Variants in ARHGEF17 observed in about 807,000 individuals in gnomAD.
The protein encoded by ARHGEF17 is Rho guanine nucleotide exchange factor 17.
In ARHGEF17, 80 loss-of-function variants were observed where a neutral mutation model predicts 174.0. The ratio of observed to expected loss-of-function variants is 0.46; its 90% CI spans 0.38 to 0.55. The LOEUF (loss-of-function observed/expected upper bound fraction) is 0.55. ARHGEF17 is among the 20% of genes least tolerant of loss of function. ARHGEF17 has a pLI of 0.00. For missense variants in ARHGEF17, 2,886 were observed against 2,839.7 expected (o/e 1.02, Z -0.37); for synonymous variants, 1,311 against 1,189.1 (o/e 1.10, Z -2.11).
chr11:73,311,401 C>T lies in ARHGEF17; in HGVS notation c.2763C>T (p.Gly921=). ...TGTCCCCGAGGCTAATCCGCCGAGG[C>T]TCCAAGAAGCGCCCAGCTCGGAGTA... ...DILSPRLIRR[G]SKKRPARSSH... is the part of the protein sequence containing the mutation. Residue 921 remains glycine (G), a synonymous_variant, in exon 1 of 21, where the codon GGC becomes GGT. Coordinates refer to ENST00000263674, the MANE Select transcript of ARHGEF17 (RefSeq NM_014786.4). 2 of 1,613,348 alleles carry T rather than the reference C, an allele frequency of 1.2e-6. No individual in the cohort carries two copies. Among genetic ancestry groups the T allele is most frequent in the South Asian group, 1.1e-5 (1 of 91,090 alleles).
At chr11:73,361,565 G>A (rs796745952) in intron 12 of ARHGEF17, among the ~76,000 whole-genome samples, 1 of 152,298 alleles carries the variant, frequency 6.6e-6, no homozygotes, top group African/African-American at 2.4e-5. Flanking sequence ...CATTTGATGT[G>A]TAGAGGGTCA....
In ARHGEF17 at chr11:73,360,245, G is replaced by T. The variant is rs1457275876; in HGVS notation, c.4207-75G>T. 4.6e-6 allele frequency: 7 copies of T among 1,522,502 alleles called. No individual in the cohort carries two copies. The African/African-American group carries it at 9.6e-5, about 21-fold the overall frequency. The allele number at this position is 1,522,502 out of a possible 1,614,324, so 94.3% of individuals were successfully genotyped here. ...ACTTGCTGTCTAAGGAGAGAGGCAGGTCCCCACACATTAAGGGCAGGTGCA... is the reference window on the plus strand; with the variant it reads ...ACTTGCTGTCTAAGGAGAGAGGCAGTTCCCCACACATTAAGGGCAGGTGCA... On this transcript the variant is annotated intron_variant, in intron 10 of 20. Coordinates refer to ENST00000263674, the MANE Select transcript of ARHGEF17 (RefSeq NM_014786.4).
chr11:73,348,137 G>A (rs984140963), intron 2 of ARHGEF17, among the ~76,000 whole-genome samples: 46 of 152,176 alleles, frequency 3.0e-4, no homozygotes, highest in Admixed American at 3.9e-4. Flanking sequence ...ATTTGCCCAA[G>A]CTAGCTGGGC....
intron 12 of ARHGEF17, 41 bp downstream of exon 12, chr11:73,361,202 G>A (rs1484373104): frequency 1.3e-6 from 2 of 1,584,708 alleles, no homozygotes; most frequent in East Asian, 4.5e-5. Context: ...TGTTTTCAAA[G>A]CCAGCAGGTG....
intron 20 of ARHGEF17, among the ~76,000 whole-genome samples, 172 bp downstream of exon 20, chr11:73,366,119 T>TTG (rs111678539): frequency 0.086 from 12,860 of 150,146 alleles, 583 homozygotes; most frequent in Non-Finnish European, 0.11. Flanking sequence ...TCTAGGATAG[T>TTG]TGTGTGTGTG....
intron 18 of ARHGEF17, 134 bp downstream of exon 18, chr11:73,364,734 C>A: frequency 8.5e-7 from 1 of 1,174,676 alleles, no homozygotes; most frequent in Non-Finnish European, 1.2e-6. Context: ...CACAGAGTGA[C>A]GCTGGCCAGT....
rs1394504351 is a variant in ARHGEF17 at position 73,308,858 on chromosome 11, C to T, written c.220C>T (p.Pro74Ser). Residue 74 changes from proline to serine, a missense_variant, in exon 1 of 21, where the codon CCG (proline) becomes TCG (serine). By Grantham distance (74) the Pro-to-Ser change is moderately conservative. This residue lies in a region of ARHGEF17 where 1,728 missense variants were observed against 1,461.2 expected (regional missense o/e 1.18). Transcript: ENST00000263674. ...CCTGGCCGCCCCCGCGCAGCCGCGCCCGCTCCGCAGCCTCTCGCCGTCGGT... is the reference window on the plus strand; with the variant it reads ...CCTGGCCGCCCCCGCGCAGCCGCGCTCGCTCCGCAGCCTCTCGCCGTCGGT... The part of the protein sequence containing the change: ...GPLAAPAQPR[P>S]LRSLSPSVRQ... The T allele has an allele frequency of 2.2e-6, 3 of 1,346,104 alleles. No individual in the cohort carries two copies. The highest frequency in any genetic ancestry group is 9.5e-7 in the Non-Finnish European group (1 of 1,055,926). The allele number at this position is 1,346,104 out of a possible 1,614,324, so 83.4% of individuals were successfully genotyped here.
Position 73,308,818 on chromosome 11 carries a change from G to A in ARHGEF17, c.180G>A (p.Lys60=), listed in dbSNP as rs1005578618. The A allele has an allele frequency of 8.1e-6, 11 of 1,349,884 alleles. No homozygotes were observed. Among genetic ancestry groups the A allele is most frequent in the Non-Finnish European group, 1.0e-5 (11 of 1,057,778 alleles). 83.6% of individuals were successfully genotyped at this position (1,349,884 alleles called of 1,614,324 possible). ...ARGQPSRRVS[K]LASGPLAAPA... ...GCCAGCCCTCTCGGCGCGTGTCCAA[G>A]CTGGCGTCTGGGCCCCTGGCCGCCC... Residue 60 remains lysine (K), a synonymous_variant, in exon 1 of 21, where the codon AAG becomes AAA. Transcript: ENST00000263674.
In ARHGEF17 at chr11:73,364,497, C is replaced by T. The variant is rs753030659; in HGVS notation, c.5447C>T (p.Thr1816Ile). 42 of 1,613,368 alleles carry T rather than the reference C, an allele frequency of 2.6e-5. No individual in the cohort carries two copies. Among genetic ancestry groups the T allele is most frequent in the Middle Eastern group, 3.3e-4 (2 of 6,080 alleles). The change falls in exon 18 of 21, where the codon ACC becomes ATC. Residue 1816 changes from threonine (T) to isoleucine (I), a missense_variant. By Grantham distance (89) the Thr-to-Ile change is moderately conservative. Coordinates refer to ENST00000263674, the MANE Select transcript of ARHGEF17 (RefSeq NM_014786.4). ...PQNFKSVTLGTQGSPITKMVS... is the reference protein window; with the variant it reads ...PQNFKSVTLGIQGSPITKMVS... ...AACTTCAAATCAGTGACCTTGGGCA[C>T]CCAGGGGAGCCCCATCACCAAGATG...
chr11:73,352,863 T>G lies in ARHGEF17; in HGVS notation c.3304T>G (p.Ser1102Ala). 1 of 1,614,020 alleles carries G rather than the reference T, an allele frequency of 6.2e-7. No homozygotes were observed. Among genetic ancestry groups the G allele is most frequent in the Non-Finnish European group, 8.5e-7 (1 of 1,180,026 alleles). ...YMQPLKQPEN[S>A]VLCDPSLVDE... Reference sequence around the variant, plus strand: ...GCAGCCGCTGAAGCAGCCAGAGAACTCCGTGCTCTGTGACCCTTCACTGGT... The same window carrying G: ...GCAGCCGCTGAAGCAGCCAGAGAACGCCGTGCTCTGTGACCCTTCACTGGT... Residue 1102 changes from serine to alanine, a missense_variant, in exon 3 of 21, where the codon TCC becomes GCC. Ser to Ala is a moderately conservative substitution (Grantham distance 99). This residue lies in a region of ARHGEF17 where 353 missense variants were observed against 470.3 expected (regional missense o/e 0.75). Transcript: ENST00000263674.
chr11:73,343,727 C>T (rs74346863), intron 1 of ARHGEF17, among the ~76,000 whole-genome samples: 12,091 of 151,974 alleles, frequency 0.08, 617 homozygotes, highest in Non-Finnish European at 0.11. Flanking sequence ...TCCCCGTTCT[C>T]GCTCAGTGTG....
At chr11:73,325,856 C>G (rs749905462) in intron 1 of ARHGEF17, among the ~76,000 whole-genome samples, 1 of 152,230 alleles carries the variant, frequency 6.6e-6, no homozygotes, top group African/African-American at 2.4e-5. Context: ...GGGCCTAGGC[C>G]GCTTCCTGCC....
rs940337135 is a variant in ARHGEF17, at chr11:73,308,486, G to A, written c.-153G>A. ...GGTGGCCACAGAAACTTGAGCCGCG[G>A]CAGAGAAACCTCTGCTCCGGTCTCT... On this transcript the variant is annotated 5_prime_UTR_variant, in exon 1 of 21. Transcript: ENST00000263674. The A allele has an allele frequency of 8.6e-5, 57 of 661,774 alleles. No homozygotes were observed. Among genetic ancestry groups the A allele is most frequent in the African/African-American group, 7.6e-4 (40 of 52,964 alleles). 41.0% of individuals were successfully genotyped at this position (661,774 alleles called of 1,614,324 possible).
chr11:73,363,044 G>A (rs751797491), intron 14 of ARHGEF17, among the ~76,000 whole-genome samples, 162 bp from the exon 15 acceptor site: 8 of 152,210 alleles, frequency 5.3e-5, no homozygotes, highest in African/African-American at 7.2e-5. Flanking sequence ...CTGAGCTGTC[G>A]GTGAGCAGGG....
At chr11:73,358,001 A>G (rs1479918844) in intron 9 of ARHGEF17, among the ~76,000 whole-genome samples, 1 of 152,192 alleles carries the variant, frequency 6.6e-6, no homozygotes, top group African/African-American at 2.4e-5. Flanking sequence ...CCTGCCCACT[A>G]TGTAGGAATA....
chr11:73,337,804 G>A (rs946192820), intron 1 of ARHGEF17, among the ~76,000 whole-genome samples: 4 of 152,154 alleles, frequency 2.6e-5, no homozygotes, highest in Non-Finnish European at 5.9e-5. Flanking sequence ...CAGTTGTGCA[G>A]TCACATGTCC....
At position 73,364,595 on chromosome 11, in the gene ARHGEF17, C is replaced by A; in HGVS notation, c.5545C>A (p.Leu1849Met). Residue 1849 changes from leucine to methionine, a missense_variant, in exon 18 of 21, where the codon CTG (leucine) becomes ATG (methionine). Around this residue, in one of 4 missense-constraint regions of ARHGEF17, gnomAD observed 329 missense variants for 435.2 expected, o/e 0.76. Coordinates refer to ENST00000263674, the MANE Select transcript of ARHGEF17 (RefSeq NM_014786.4). ...VLVLSPDTLQ[L>M]EHMFYVGQDS... Reference sequence around the variant, plus strand: ...TGTCCTGAGCCCTGACACGCTGCAGCTGGAGGTAGCAGGGGGTGGGGGAAT... The same window carrying A: ...TGTCCTGAGCCCTGACACGCTGCAGATGGAGGTAGCAGGGGGTGGGGGAAT... 6.2e-7 allele frequency: 1 copy of A among 1,607,420 alleles called. No individual in the cohort carries two copies. The highest frequency in any genetic ancestry group is 8.5e-7 in the Non-Finnish European group (1 of 1,177,430).
chr11:73,326,475 G>T (rs1865103938), intron 1 of ARHGEF17, among the ~76,000 whole-genome samples: 1 of 152,150 alleles, frequency 6.6e-6, no homozygotes, highest in South Asian at 2.1e-4. Flanking sequence ...GGAGGCCGAG[G>T]TTGGGAGGCC....
chr11:73,360,664 A>AG, intron 11 of ARHGEF17, 131 bp downstream of exon 11: 1 of 946,292 alleles, frequency 1.1e-6, no homozygotes, highest in Non-Finnish European at 1.6e-6. Context: ...CCTGGTGGGG[A>AG]GGGGGGCTTC....
Sources: gnomAD v4.1 joint callset for allele counts (sites outside exome capture counted in the v4.1 genomes callset) on GRCh38, gnomAD v4.1.1 for gene constraint, gnomAD v4.1.1 regional missense constraint, MANE v1.5 for transcripts, NCBI Gene and HGNC (gene_info 2026-07-23, HGNC 2026-07-21) for gene names.